EXOSC5: variants seen among roughly 807,000 people sequenced by gnomAD.
The protein encoded by EXOSC5 is exosome complex component RRP46.
In EXOSC5, 15 loss-of-function variants were observed where a neutral mutation model predicts 23.7. That is an observed-to-expected ratio of 0.63 (90% CI 0.42 to 0.97). The LOEUF (loss-of-function observed/expected upper bound fraction) is 0.97. EXOSC5 is among the 50% of genes least tolerant of loss of function. The probability of loss-of-function intolerance (pLI) is 0.00; values close to 1 mark genes in which losing one functional copy is unlikely to be tolerated. For synonymous variants in EXOSC5, 143 were observed against 140.9 expected, an observed-to-expected ratio of 1.02 and a Z score of -0.11; for missense variants, 305 against 316.3, an observed-to-expected ratio of 0.96 and a Z score of 0.27.
intron 1 of EXOSC5, among the ~76,000 whole-genome samples, chr19:41,394,461 G>A (rs979228681): frequency 2.6e-5 from 4 of 151,954 alleles, no homozygotes; most frequent in Admixed American, 6.6e-5. Flanking sequence ...CAGGTGGGAG[G>A]ACTGCTTGAG....
Position 41,387,556 on chromosome 19 carries a change from C to T in EXOSC5, c.573G>A (p.Lys191=), listed in dbSNP as rs1458568928. The stretch of plus-strand genomic sequence containing the variant: ...GCCCCTTGGTGCTGGACATCAGCAG[C>T]TTCCGTTCCACGCTGTCCAGGGCAA... ...LTFALDSVER[K]LLMSSTKGLY... is the part of the protein sequence containing the mutation. The change falls in exon 5 of 6, where the codon AAG becomes AAA. Residue 191 remains lysine (K), a synonymous_variant. Transcript: ENST00000221233. The T allele has an allele frequency of 6.2e-7, 1 of 1,607,152 alleles. No individual in the cohort carries two copies. The highest frequency in any genetic ancestry group is 8.5e-7 in the Non-Finnish European group (1 of 1,177,382).
chr19:41,394,761 G>A (rs1261994540), intron 1 of EXOSC5, among the ~76,000 whole-genome samples: 5 of 151,738 alleles, frequency 3.3e-5, no homozygotes, highest in African/African-American at 4.8e-5. Context: ...TCAACCAAGC[G>A]AGGTGGCTCA....
intron 1 of EXOSC5, among the ~76,000 whole-genome samples, 166 bp downstream of exon 1, chr19:41,397,015 G>A (rs1270305971): frequency 1.3e-5 from 2 of 152,188 alleles, no homozygotes; most frequent in Non-Finnish European, 2.9e-5. Context: ...AGTCGTGAGG[G>A]AGAGATGTGT....
At chr19:41,394,286 G>A (rs1806799191) in intron 1 of EXOSC5, among the ~76,000 whole-genome samples, 1 of 152,028 alleles carries the variant, frequency 6.6e-6, no homozygotes, top group Admixed American at 6.6e-5. Flanking sequence ...GCCGACGCAG[G>A]AGAATTGCTG....
rs1373906931 is a variant in EXOSC5 at position 41,387,526 on chromosome 19, G to A, written c.603C>T (p.Tyr201=). Residue 201 remains tyrosine, a synonymous_variant, in exon 5 of 6, where the codon TAC becomes TAT. Transcript: ENST00000221233. The stretch of plus-strand genomic sequence containing the variant: ...CCCATGCTGGTACCTCAGTGTCTGA[G>A]TAGAGCCCCTTGGTGCTGGACATCA... ...KLLMSSTKGL[Y]SDTELQQCLA... 4.4e-6 allele frequency: 7 copies of A among 1,602,288 alleles called. No individual in the cohort carries two copies. The highest frequency in any genetic ancestry group is 6.0e-6 in the Non-Finnish European group (7 of 1,175,148).
At chr19:41,395,356 C>G (rs10422956) in intron 1 of EXOSC5, among the ~76,000 whole-genome samples, 1 of 151,958 alleles carries the variant, frequency 6.6e-6, no homozygotes, top group Non-Finnish European at 1.5e-5. Flanking sequence ...GTGTTTTGCC[C>G]GAGCACAAGA....
rs756427806 is a variant in EXOSC5, at chr19:41,386,688, T to C, written c.653A>G (p.Gln218Arg). ...TTCCCGGTAGAAACGGAAGACGTGT[T>C]GCGAAGCGGCCTGGGCCGCAGCCAG... Reference protein sequence around the residue: ...QCLAAAQAASQHVFRFYRESL... With the variant: ...QCLAAAQAASRHVFRFYRESL... Residue 218 changes from glutamine (Q) to arginine (R), a missense_variant, in exon 6 of 6, where the codon CAA becomes CGA. Coordinates refer to ENST00000221233, the MANE Select transcript of EXOSC5 (RefSeq NM_020158.4). 2.0e-5 allele frequency: 32 copies of C among 1,603,524 alleles called. No homozygotes were observed. In the East Asian group the frequency reaches 6.7e-4, roughly 34 times the overall value.
Position 41,386,683 on chromosome 19 carries a change from CG to C in EXOSC5, c.657del (p.His219GlnfsTer59). The C allele has an allele frequency of 6.2e-7, 1 of 1,604,202 alleles. No homozygotes were observed. Among genetic ancestry groups the C allele is most frequent in the Non-Finnish European group, 8.5e-7 (1 of 1,175,926 alleles). ...AGCGATTCCCGGTAGAAACGGAAGACGTGTTGCGAAGCGGCCTGGGCCGCAG... is the reference window on the plus strand; with the variant it reads ...AGCGATTCCCGGTAGAAACGGAAGACTGTTGCGAAGCGGCCTGGGCCGCAG... Reference protein sequence around the residue: ...CLAAAQAASQHVFRFYRESLQ... With the variant: ...CLAAAQAASQXVFRFYRESLQ... On this transcript the variant is annotated frameshift_variant, in exon 6 of 6. Coordinates refer to ENST00000221233, the MANE Select transcript of EXOSC5 (RefSeq NM_020158.4). LOFTEE classifies it high-confidence loss of function.
In EXOSC5 at chr19:41,391,885, T is replaced by G. The variant is rs1599940841; in HGVS notation, c.340A>C (p.Thr114Pro). 6.4e-7 allele frequency: 1 copy of G among 1,560,318 alleles called. No homozygotes were observed. Among genetic ancestry groups the G allele is most frequent in the African/African-American group, 1.4e-5 (1 of 70,954 alleles). Residue 114 changes from threonine to proline, a missense_variant, in exon 3 of 6, where the codon ACC (threonine) becomes CCC (proline). By Grantham distance (38) the Thr-to-Pro change is conservative. Transcript: ENST00000221233. ...ACCTGCAGCACCACGGTGATGGAGG[T>G]GCGGGGGTGCAACGTGCCCAGCACC... is the stretch of plus-strand genomic sequence containing the variant. The part of the protein sequence containing the change: ...AVVLGTLHPR[T>P]SITVVLQVVS...
chr19:41,387,624 G>A, intron 4 of EXOSC5, 21 bp from the exon 5 acceptor site: 1 of 1,557,392 alleles, frequency 6.4e-7, no homozygotes, highest in Non-Finnish European at 8.7e-7. Context: ...GGGGTAGAAG[G>A]CGGTGGGGGA....
At chr19:41,391,626 G>C in intron 3 of EXOSC5, 1 of 525,524 alleles carries the variant, frequency 1.9e-6, no homozygotes, top group Non-Finnish European at 3.1e-6. Flanking sequence ...GATCATAAGG[G>C]CATGTGCTAT....
chr19:41,397,174 T>C lies in EXOSC5; in HGVS notation c.148+7A>G. 1 of 1,613,532 alleles carries C rather than the reference T, an allele frequency of 6.2e-7. No homozygotes were observed. The highest frequency in any genetic ancestry group is 8.5e-7 in the Non-Finnish European group (1 of 1,179,508). ...CTCCAAAAGAAAGACCTGGGTGAAG[T>C]TCTTACCTTGCAGGAAGGAAGCAGA... On this transcript the variant is annotated splice_region_variant and intron_variant, in intron 1 of 5. Transcript: ENST00000221233.
intron 1 of EXOSC5, among the ~76,000 whole-genome samples, chr19:41,396,445 G>A (rs1306037948): frequency 6.6e-6 from 1 of 152,064 alleles, no homozygotes; most frequent in Non-Finnish European, 1.5e-5. Context: ...CCTGACCTCA[G>A]GTGAGCCACA....
Position 41,397,166 on chromosome 19 carries a change from G to C in EXOSC5, c.148+15C>G. ...TAGTCCCTCTCCAAAAGAAAGACCTGGGTGAAGTTCTTACCTTGCAGGAAG... is the reference window on the plus strand; with the variant it reads ...TAGTCCCTCTCCAAAAGAAAGACCTCGGTGAAGTTCTTACCTTGCAGGAAG... On this transcript the variant is annotated intron_variant, in intron 1 of 5. Coordinates refer to ENST00000221233, the MANE Select transcript of EXOSC5 (RefSeq NM_020158.4). 1.2e-6 allele frequency: 2 copies of C among 1,612,422 alleles called. No homozygotes were observed. Among genetic ancestry groups the C allele is most frequent in the Non-Finnish European group, 1.7e-6 (2 of 1,178,616 alleles).
At chr19:41,389,965 T>C in intron 3 of EXOSC5, 60 bp from the exon 4 acceptor site, 2 of 1,522,792 alleles carry the variant, frequency 1.3e-6, no homozygotes, top group Non-Finnish European at 1.8e-6. Context: ...GGAGTTTCGC[T>C]CTTGTTGCCC....
intron 2 of EXOSC5, among the ~76,000 whole-genome samples, chr19:41,392,649 G>A (rs570313345): frequency 1.3e-5 from 2 of 151,914 alleles, no homozygotes; most frequent in East Asian, 3.9e-4. Flanking sequence ...AATGAGAGTG[G>A]AGGCAGAGAG....
At position 41,397,268 on chromosome 19, in the gene EXOSC5, G is replaced by T. The variant is rs752293515; in HGVS notation, c.61C>A (p.Pro21Thr). Residue 21 changes from proline (P) to threonine (T), a missense_variant, in exon 1 of 6, where the codon CCT becomes ACT. By Grantham distance (38) the Pro-to-Thr change is conservative. Transcript: ENST00000221233. ...IRAENGTGSS[P>T]RGPGCSLRHF... ...CGGAGGCTGCAGCCAGGACCCCGAGGGCTGGACCCTGTTCCATTTTCAGCA... is the reference window on the plus strand; with the variant it reads ...CGGAGGCTGCAGCCAGGACCCCGAGTGCTGGACCCTGTTCCATTTTCAGCA... 6.2e-7 allele frequency: 1 copy of T among 1,614,238 alleles called. No homozygotes were observed. Among genetic ancestry groups the T allele is most frequent in the South Asian group, 1.1e-5 (1 of 91,092 alleles).
At chr19:41,389,669 G>C in intron 4 of EXOSC5, 96 bp downstream of exon 4, 3 of 1,495,926 alleles carry the variant, frequency 2.0e-6, no homozygotes, top group South Asian at 2.7e-5. Context: ...GATTGAGGTG[G>C]CATGAGCCGA....
intron 5 of EXOSC5, 105 bp from the exon 6 acceptor site, chr19:41,386,830 C>G (rs2038988474): frequency 1.1e-6 from 1 of 894,306 alleles, no homozygotes; most frequent in Admixed American, 2.3e-5. Flanking sequence ...CCTTAACCTC[C>G]CATCACTCCC....
Sources: gnomAD v4.1 joint callset for allele counts (sites outside exome capture counted in the v4.1 genomes callset) on GRCh38, gnomAD v4.1.1 for gene constraint, MANE v1.5 for transcripts, NCBI Gene and HGNC (gene_info 2026-07-23, HGNC 2026-07-21) for gene names.